DCPS: variants seen among roughly 807,000 people sequenced by gnomAD.
The protein encoded by DCPS is decapping enzyme, scavenger.
In DCPS, 27 loss-of-function variants were observed where a neutral mutation model predicts 34.7. The ratio of observed to expected loss-of-function variants is 0.78; its 90% CI spans 0.57 to 1.07. The LOEUF (loss-of-function observed/expected upper bound fraction) is 1.07, where lower values mean the gene tolerates loss of function less well. Ranked by LOEUF, DCPS falls within the 50% of genes least tolerant of loss-of-function variation. The pLI is 0.00. For synonymous variants in DCPS, 185 were observed against 185.7 expected (o/e 1.00, Z 0.03); for missense variants, 464 against 436.9 (o/e 1.06, Z -0.55).
At chr11:126,340,173 C>CT (rs375516423) in intron 4 of DCPS, among the ~76,000 whole-genome samples, 66 of 152,338 alleles carry the variant, frequency 4.3e-4, no homozygotes, top group African/African-American at 1.6e-3. Flanking sequence ...TTTCTGTCCC[C>CT]TTTAAGACAG....
chr11:126,344,156 C>T lies in DCPS; in HGVS notation c.747+739C>T, dbSNP rs539977043. ...AACACGCCAGAGCTAGCAGTCACAA[C>T]GATGCCCAGCCAGGAGAGAGGTTTG... On this transcript the variant is annotated intron_variant, in intron 5 of 5. Transcript: ENST00000263579. This position sits in a 1 kb window ranked among gnomAD's most constrained non-coding sequence, Gnocchi z 8.1. 2.6e-5 allele frequency among the ~76,000 whole-genome samples: 4 copies of T among 152,278 alleles called. No individual in the cohort carries two copies. Among genetic ancestry groups the T allele is most frequent in the African/African-American group, 9.6e-5 (4 of 41,568 alleles).
Position 126,338,229 on chromosome 11 carries a change from T to C in DCPS, c.523-57T>C. On this transcript the variant is annotated intron_variant, in intron 3 of 5. Transcript: ENST00000263579. The surrounding 1 kb of genome is among the most constrained non-coding windows in gnomAD (Gnocchi z 5.4). ...GGAATGCCCTGAGCTCAGTTTGGGGTATCTCTCAAGGGGTGATGAGTGGAT... is the reference window on the plus strand; with the variant it reads ...GGAATGCCCTGAGCTCAGTTTGGGGCATCTCTCAAGGGGTGATGAGTGGAT... 1 of 1,540,006 alleles carries C rather than the reference T, an allele frequency of 6.5e-7. No homozygotes were observed. Among genetic ancestry groups the C allele is most frequent in the East Asian group, 2.3e-5 (1 of 44,390 alleles).
intron 2 of DCPS, among the ~76,000 whole-genome samples, chr11:126,317,472 T>G (rs529696832): frequency 1.3e-5 from 2 of 152,320 alleles, no homozygotes; most frequent in Admixed American, 1.3e-4. Context: ...TTTTTAAAAT[T>G]ATCTCCTGAC....
At position 126,332,092 on chromosome 11, in the gene DCPS, A is replaced by T. The variant is rs1951798217; in HGVS notation, c.522+542A>T. On this transcript the variant is annotated intron_variant, in intron 3 of 5. Coordinates refer to ENST00000263579, the MANE Select transcript of DCPS (RefSeq NM_014026.6). This position sits in a 1 kb window ranked among gnomAD's most constrained non-coding sequence, Gnocchi z 5.4. ...GTTGAGTGAGTCCCACCCTGTCCAG[A>T]CTCTTATTCCTGGTTTCACCTGCGG... 6.6e-6 allele frequency among the ~76,000 whole-genome samples: 1 copy of T among 151,928 alleles called. No homozygotes were observed. The highest frequency in any genetic ancestry group is 6.6e-5 in the Admixed American group (1 of 15,238).
rs1037165468 is a variant in DCPS at position 126,346,798 on chromosome 11, A to G, written c.*1185A>G. Reference sequence around the variant, plus strand: ...GCCTCATTCAGAGATTAGCCCCTTTACTGCAGGTGGTAGCCCAGGTGCAGC... The same window carrying G: ...GCCTCATTCAGAGATTAGCCCCTTTGCTGCAGGTGGTAGCCCAGGTGCAGC... On this transcript the variant is annotated 3_prime_UTR_variant, in exon 6 of 6. Transcript: ENST00000263579. This position sits in a 1 kb window ranked among gnomAD's most constrained non-coding sequence, Gnocchi z 4.1. Among the ~76,000 whole-genome samples the G allele has an allele frequency of 6.6e-6, 1 of 152,158 alleles. No homozygotes were observed. Among genetic ancestry groups the G allele is most frequent in the African/African-American group, 2.4e-5 (1 of 41,438 alleles).
chr11:126,304,093 G>C lies in DCPS; in HGVS notation c.13G>C (p.Ala5Pro). The C allele has an allele frequency of 1.2e-6, 2 of 1,605,746 alleles. No individual in the cohort carries two copies. The highest frequency in any genetic ancestry group is 1.7e-6 in the Non-Finnish European group (2 of 1,176,300). ...CCTCCGCGGCAGCATGGCGGACGCA[G>C]CTCCTCAACTAGGCAAGAGGAAGCG... MADA[A>P]PQLGKRKREL... Residue 5 changes from alanine to proline, a missense_variant, in exon 1 of 6, where the codon GCT becomes CCT. By Grantham distance (27) the Ala-to-Pro change is conservative. Transcript: ENST00000263579.
chr11:126,343,893 T>C (rs1720705474), intron 5 of DCPS, among the ~76,000 whole-genome samples: 2 of 152,172 alleles, frequency 1.3e-5, no homozygotes, highest in South Asian at 4.1e-4. Context: ...ATTTGTTGAA[T>C]TGAATGAAAT....
chr11:126,318,872 A>G (rs1012569108), intron 2 of DCPS, among the ~76,000 whole-genome samples: 1 of 152,164 alleles, frequency 6.6e-6, no homozygotes, highest in Non-Finnish European at 1.5e-5. Context: ...TTGTGTTTTC[A>G]TGTTTCATGT....
rs1434966192 is a variant in DCPS at position 126,345,419 on chromosome 11, T to C, written c.820T>C (p.Tyr274His). Residue 274 changes from tyrosine (Y) to histidine (H), a missense_variant, in exon 6 of 6, where the codon TAC becomes CAC. By Grantham distance (83) the Tyr-to-His change is moderately conservative (BLOSUM62 2). Transcript: ENST00000263579. The surrounding 1 kb of genome is among the most constrained non-coding windows in gnomAD (Gnocchi z 7.4). The part of the protein sequence containing the change: ...RVYLHYLPSY[Y>H]HLHVHFTALG... ...ATACCTGCACTACCTGCCCTCCTAC[T>C]ACCACCTGCATGTGCACTTCACCGC... 6.2e-7 allele frequency: 1 copy of C among 1,614,206 alleles called. No homozygotes were observed. Among genetic ancestry groups the C allele is most frequent in the East Asian group, 2.2e-5 (1 of 44,890 alleles).
In DCPS at chr11:126,322,056, T is replaced by C. The variant is rs565573169; in HGVS notation, c.377-9349T>C. 6.6e-6 allele frequency among the ~76,000 whole-genome samples: 1 copy of C among 152,228 alleles called. No individual in the cohort carries two copies. Among genetic ancestry groups the C allele is most frequent in the East Asian group, 1.9e-4 (1 of 5,178 alleles). On this transcript the variant is annotated intron_variant, in intron 2 of 5. Coordinates refer to ENST00000263579, the MANE Select transcript of DCPS (RefSeq NM_014026.6). This position sits in a 1 kb window ranked among gnomAD's most constrained non-coding sequence, Gnocchi z 4.2. ...AGAAGAAAGGTCTTTAAAGAAATAA[T>C]TCAAGACAGTTTCCCAGGTCTGAAG...
Position 126,328,611 on chromosome 11 carries a change from G to A in DCPS, c.377-2794G>A, listed in dbSNP as rs543202575. On this transcript the variant is annotated intron_variant, in intron 2 of 5. Transcript: ENST00000263579. The surrounding 1 kb of genome is among the most constrained non-coding windows in gnomAD (Gnocchi z 6.6). ...GCAGACCAGGGCATGCTCACAGGCC[G>A]GGTGGCTTTCTGATCTGGAGCAGCC... Among the ~76,000 whole-genome samples, 8 of 152,242 alleles carry A rather than the reference G, an allele frequency of 5.3e-5. No homozygotes were observed. The highest frequency in any genetic ancestry group is 3.9e-4 in the Admixed American group (6 of 15,298).
chr11:126,345,846 C>A lies in DCPS; in HGVS notation c.*233C>A. On this transcript the variant is annotated 3_prime_UTR_variant, in exon 6 of 6. Coordinates refer to ENST00000263579, the MANE Select transcript of DCPS (RefSeq NM_014026.6). This position sits in a 1 kb window ranked among gnomAD's most constrained non-coding sequence, Gnocchi z 7.4. ...AGGCCTTGAGAATGGTGGAAAGTCT[C>A]CAGGTGGTGGTTTCAACTGACAGGT... 1.6e-6 allele frequency: 1 copy of A among 629,974 alleles called. No homozygotes were observed. The highest frequency in any genetic ancestry group is 2.0e-5 in the South Asian group (1 of 49,960). 39.0% of individuals were successfully genotyped at this position (629,974 alleles called of 1,614,324 possible). A position where few individuals can be genotyped will look rare whatever the true frequency, so the allele number is the denominator to read the frequency against.
chr11:126,345,390 G>A lies in DCPS; in HGVS notation c.791G>A (p.Arg264Gln), dbSNP rs140377449. Residue 264 changes from arginine to glutamine, a missense_variant, in exon 6 of 6, where the codon CGA becomes CAA. Physicochemically the swap from Arg to Gln is conservative, Grantham distance 43 (BLOSUM62 1). Coordinates refer to ENST00000263579, the MANE Select transcript of DCPS (RefSeq NM_014026.6). This position sits in a 1 kb window ranked among gnomAD's most constrained non-coding sequence, Gnocchi z 7.4. ...TACCGGATGAAGGGAGACCATCTGC[G>A]AGTATACCTGCACTACCTGCCCTCC... The part of the protein sequence containing the change: ...QRYRMKGDHL[R>Q]VYLHYLPSYY... 7.4e-4 allele frequency: 1,195 copies of A among 1,614,164 alleles called. 4 individuals are homozygous for A. The highest frequency in any genetic ancestry group is 4.0e-3 in the South Asian group (360 of 91,088).
Position 126,349,851 on chromosome 11 carries a change from A to T in DCPS, c.*4238A>T, listed in dbSNP as rs1951975373. Among the ~76,000 whole-genome samples the T allele has an allele frequency of 6.6e-6, 1 of 152,264 alleles. No homozygotes were observed. The highest frequency in any genetic ancestry group is 1.5e-5 in the Non-Finnish European group (1 of 68,050). ...TTGGCAACCCTAAGTTTGTTCTATT[A>T]TAATATTATTGAAATTACATTGAAT... On this transcript the variant is annotated 3_prime_UTR_variant, in exon 6 of 6. Coordinates refer to ENST00000263579, the MANE Select transcript of DCPS (RefSeq NM_014026.6). The surrounding 1 kb of genome is among the most constrained non-coding windows in gnomAD (Gnocchi z 5.4).
At chr11:126,326,936 A>G (rs1951745493) in intron 2 of DCPS, among the ~76,000 whole-genome samples, 1 of 150,726 alleles carries the variant, frequency 6.6e-6, no homozygotes, top group South Asian at 2.1e-4. Context: ...AAAAAAAAAC[A>G]AAAAACAAAA....
intron 2 of DCPS, among the ~76,000 whole-genome samples, chr11:126,324,949 G>A (rs956390552): frequency 3.3e-5 from 5 of 152,108 alleles, no homozygotes; most frequent in African/African-American, 1.2e-4. Flanking sequence ...TTGGGAGGCC[G>A]AAGCGGGTGG....
chr11:126,316,291 A>G (rs185063251), intron 2 of DCPS, among the ~76,000 whole-genome samples: 3 of 151,980 alleles, frequency 2.0e-5, no homozygotes, highest in Admixed American at 2.0e-4. Context: ...ACACAAATGT[A>G]TAAACTTTCT....
rs549338492 is a variant in DCPS, at chr11:126,334,805, C to A, written c.522+3255C>A. Among the ~76,000 whole-genome samples, 4 of 152,370 alleles carry A rather than the reference C, an allele frequency of 2.6e-5. No individual in the cohort carries two copies. In the South Asian group the frequency reaches 8.3e-4, roughly 32 times the overall value. The stretch of plus-strand genomic sequence containing the variant: ...AAAAACTGCAGTGGGATGTCTGGAT[C>A]TGGAGCCTTTGAGATCATCTAGTTA... On this transcript the variant is annotated intron_variant, in intron 3 of 5. Coordinates refer to ENST00000263579, the MANE Select transcript of DCPS (RefSeq NM_014026.6). This position sits in a 1 kb window ranked among gnomAD's most constrained non-coding sequence, Gnocchi z 5.5.
rs1028681754 is a variant in DCPS, at chr11:126,327,157, G to A, written c.377-4248G>A. On this transcript the variant is annotated intron_variant, in intron 2 of 5. Transcript: ENST00000263579. The surrounding 1 kb of genome is among the most constrained non-coding windows in gnomAD (Gnocchi z 4.1). ...CGCCCCTCCCCGGATCCCAACCCCG[G>A]ATCTAATCCAATCCCTTTAGTCCCG... Among the ~76,000 whole-genome samples, 1 of 152,166 alleles carries A rather than the reference G, an allele frequency of 6.6e-6. No homozygotes were observed. The highest frequency in any genetic ancestry group is 2.1e-4 in the South Asian group (1 of 4,830).
Sources: allele counts gnomAD v4.1 joint callset (sites outside exome capture counted in the v4.1 genomes callset), GRCh38; gene constraint gnomAD v4.1.1; non-coding constraint Gnocchi (gnomAD v3.1); transcripts MANE v1.5; gene names NCBI Gene and HGNC (gene_info 2026-07-23, HGNC 2026-07-21).